Variants in CLK1 observed in about 807,000 individuals in gnomAD.
The protein encoded by CLK1 is CDC like kinase 1, also known as dual specificity protein kinase CLK1.
Under a neutral mutation model 60.9 loss-of-function variants are expected in CLK1, and 40 were observed. The observed-to-expected ratio is 0.66, with a 90% CI of 0.51 to 0.86. The LOEUF (loss-of-function observed/expected upper bound fraction) is 0.86. Among genes scored for constraint, CLK1 ranks in the 40% least tolerant of loss-of-function variants. The pLI, the probability that CLK1 is intolerant of heterozygous loss-of-function variation, is 0.00. For synonymous variants in CLK1, 203 were observed against 184.4 expected (o/e 1.10, Z -0.82); for missense variants, 563 against 606.1 (o/e 0.93, Z 0.75).
At chr2:200,861,634 T>A in intron 2 of CLK1, 68 bp downstream of exon 2, 1 of 1,582,392 alleles carries the variant, frequency 6.3e-7, no homozygotes, top group Non-Finnish European at 8.6e-7. Context: ...CAGGTACTTA[T>A]TTTAAGTGAT....
Position 200,860,884 on chromosome 2 carries a change from G to GTTCTACTT in CLK1, c.390+346_390+353dup, listed in dbSNP as rs1358211464. ...AAATTATACAAAAATAAAATGCCCT[G>GTTCTACTT]TTCTACTTTTGTGATTTCAATAGAT... is the stretch of plus-strand genomic sequence containing the variant. On this transcript the variant is annotated intron_variant, in intron 3 of 12. Transcript: ENST00000321356. 4.7e-6 allele frequency: 5 copies of GTTCTACTT among 1,073,560 alleles called. No homozygotes were observed. The African/African-American group carries it at 8.5e-5, about 18-fold the overall frequency. 66.5% of individuals were successfully genotyped at this position (1,073,560 alleles called of 1,614,324 possible).
In CLK1 at chr2:200,853,178, CAAACA is replaced by C; in HGVS notation, c.*123_*127del. The C allele has an allele frequency of 1.5e-6, 1 of 674,938 alleles. No homozygotes were observed. Among genetic ancestry groups the C allele is most frequent in the East Asian group, 2.9e-5 (1 of 34,006 alleles). 41.8% of individuals were successfully genotyped at this position (674,938 alleles called of 1,614,324 possible). A position where few individuals can be genotyped will look rare whatever the true frequency, so the allele number is the denominator to read the frequency against. On this transcript the variant is annotated 3_prime_UTR_variant, in exon 13 of 13. Coordinates refer to ENST00000321356, the MANE Select transcript of CLK1 (RefSeq NM_004071.4). ...TATGTACTTAATGAACCAAATTACC[CAAACA>C]AAATAAACATGGCAATATAAAAATG...
rs1418364586 is a variant in CLK1, at chr2:200,861,719, GTGAT to G, written c.140_143del (p.Asn47ThrfsTer15). ...CTCCTTACCTATCACACATTTTAGA[GTGAT>G]TGTATTTGCAGCGCTTGTTCTCCTG... is the stretch of plus-strand genomic sequence containing the variant. On this transcript the variant is annotated frameshift_variant, in exon 2 of 13. Transcript: ENST00000321356. LOFTEE classifies it high-confidence loss of function. 1 of 1,613,922 alleles carries G rather than the reference GTGAT, an allele frequency of 6.2e-7. No homozygotes were observed. The highest frequency in any genetic ancestry group is 8.5e-7 in the Non-Finnish European group (1 of 1,180,020).
chr2:200,859,528 G>A, intron 5 of CLK1, 152 bp downstream of exon 5: 1 of 537,814 alleles, frequency 1.9e-6, no homozygotes, highest in East Asian at 3.1e-5. Context: ...AATATGAAGG[G>A]GCAAGTACCT....
chr2:200,858,207 A>G (rs2039075446), intron 5 of CLK1, 118 bp from the exon 6 acceptor site: 1 of 763,364 alleles, frequency 1.3e-6, no homozygotes, highest in Non-Finnish European at 2.3e-6. Context: ...TTTATGGTTT[A>G]GTGTTCAGTT....
At chr2:200,860,788 G>A in intron 3 of CLK1, 1 of 1,023,110 alleles carries the variant, frequency 9.8e-7, no homozygotes. Context: ...GTTCAAATCT[G>A]TTCTGGTTTG....
intron 9 of CLK1, among the ~76,000 whole-genome samples, chr2:200,856,314 C>T (rs1185912360): frequency 6.6e-6 from 1 of 152,076 alleles, no homozygotes; most frequent in Non-Finnish European, 1.5e-5. Context: ...ATGTGGTCTG[C>T]CCGCCTTGGC....
At chr2:200,858,167 C>T (rs1224727526) in intron 5 of CLK1, 78 bp from the exon 6 acceptor site, 4 of 933,970 alleles carry the variant, frequency 4.3e-6, no homozygotes, top group East Asian at 2.4e-5. Context: ...TCAAACTGTA[C>T]TACTACTCTG....
At chr2:200,856,010 AAAAT>A (rs2105735662) in intron 9 of CLK1, among the ~76,000 whole-genome samples, 1 of 151,952 alleles carries the variant, frequency 6.6e-6, no homozygotes, top group Admixed American at 6.6e-5. Context: ...CTCCGTCTAA[AAAAT>A]AAATAAATGA....
intron 4 of CLK1, 82 bp from the exon 5 acceptor site, chr2:200,859,828 A>G: frequency 6.4e-7 from 1 of 1,564,478 alleles, no homozygotes; most frequent in Non-Finnish European, 8.7e-7. Context: ...AATGTAGATT[A>G]TTCTAGTTGA....
chr2:200,864,164 C>G (rs2039189496), intron 1 of CLK1: 6 of 1,551,124 alleles, frequency 3.9e-6, no homozygotes, highest in Non-Finnish European at 4.4e-6. Flanking sequence ...GCAAATCCCC[C>G]CTCAACGGGG....
In CLK1 at chr2:200,853,955, T is replaced by A; in HGVS notation, c.1259A>T (p.Asp420Val). ...KYFHHDRLDW[D>V]EHSSAGRYVS... is the part of the protein sequence containing the mutation. ...ATATCTGCCGGCAGAACTGTGTTCA[T>A]CCCAGTCTAATCGATCGTGGTGAAA... The change falls in exon 12 of 13, where the codon GAT becomes GTT. Residue 420 changes from aspartate (D) to valine (V), a missense_variant. Physicochemically the swap from Asp to Val is radical, Grantham distance 152. Around this residue, in one of 3 missense-constraint regions of CLK1, gnomAD observed 360 missense variants for 407.0 expected, o/e 0.88. Transcript: ENST00000321356. 1.2e-6 allele frequency: 2 copies of A among 1,612,148 alleles called. No individual in the cohort carries two copies. The highest frequency in any genetic ancestry group is 1.7e-6 in the Non-Finnish European group (2 of 1,179,054).
At chr2:200,854,138 C>T in intron 11 of CLK1, 145 bp from the exon 12 acceptor site, 1 of 545,368 alleles carries the variant, frequency 1.8e-6, no homozygotes, top group Non-Finnish European at 3.2e-6. Context: ...CTGCTTTGCA[C>T]CAAGGTAATC....
chr2:200,860,550 AGT>A, intron 3 of CLK1: 1 of 1,042,986 alleles, frequency 9.6e-7, no homozygotes, highest in South Asian at 4.2e-5. Context: ...TTTAGTTTCT[AGT>A]GTTCTAATTT....
Position 200,856,999 on chromosome 2 carries a change from GA to G in CLK1, c.833-15del, listed in dbSNP as rs1559326836. 1 of 1,604,874 alleles carries G rather than the reference GA, an allele frequency of 6.2e-7. No homozygotes were observed. The highest frequency in any genetic ancestry group is 2.2e-5 in the East Asian group (1 of 44,824). On this transcript the variant is annotated splice_polypyrimidine_tract_variant and intron_variant, in intron 7 of 12. Transcript: ENST00000321356. Reference sequence around the variant, plus strand: ...TACTGTGCAAAACTGAGAATAAAGAGAAAGTTGCTGTAATCAGAAAACACCA... The same window carrying G: ...TACTGTGCAAAACTGAGAATAAAGAGAAGTTGCTGTAATCAGAAAACACCA...
intron 4 of CLK1, 47 bp downstream of exon 4, chr2:200,860,078 G>T: frequency 4.4e-6 from 7 of 1,599,858 alleles, no homozygotes; most frequent in Non-Finnish European, 5.1e-6. Context: ...TCTATATATA[G>T]ATTATGTTAT....
intron 11 of CLK1, among the ~76,000 whole-genome samples, chr2:200,854,351 T>C (rs1003331586): frequency 1.2e-4 from 18 of 152,052 alleles, no homozygotes; most frequent in East Asian, 5.8e-4. Context: ...CTGGCTAACA[T>C]GGTGAAACCT....
At chr2:200,862,928 T>G (rs2039164710) in intron 1 of CLK1, among the ~76,000 whole-genome samples, 1 of 151,340 alleles carries the variant, frequency 6.6e-6, no homozygotes, top group Non-Finnish European at 1.5e-5. Flanking sequence ...ATCTTTCCAG[T>G]ACCACTCCCA....
At chr2:200,863,087 C>T (rs1488468320) in intron 1 of CLK1, 1 of 152,214 alleles carries the variant, frequency 6.6e-6, no homozygotes, top group South Asian at 2.1e-4. Context: ...GAAATTACTT[C>T]ATCAACTGCC....
Sources: allele counts gnomAD v4.1 joint callset (sites outside exome capture counted in the v4.1 genomes callset), GRCh38; gene constraint gnomAD v4.1.1; regional missense constraint gnomAD v4.1.1; transcripts MANE v1.5; gene names NCBI Gene and HGNC (gene_info 2026-07-23, HGNC 2026-07-21).